PPM1H: variants seen among roughly 807,000 people sequenced by gnomAD.
PPM1H encodes the protein protein phosphatase, Mg2+/Mn2+ dependent 1H.
Under a neutral mutation model 54.9 loss-of-function variants are expected in PPM1H, and 27 were observed. The observed-to-expected ratio is 0.49, with a 90% CI of 0.36 to 0.68. The LOEUF (loss-of-function observed/expected upper bound fraction) is 0.68. Ranked by LOEUF, PPM1H falls within the 30% of genes least tolerant of loss-of-function variation. The pLI, the probability that PPM1H is intolerant of heterozygous loss-of-function variation, is 0.00. For synonymous variants in PPM1H, 305 were observed against 270.8 expected (o/e 1.13, Z -1.24); for missense variants, 596 against 667.8 (o/e 0.89, Z 1.19).
intron 4 of PPM1H, among the ~76,000 whole-genome samples, chr12:62,752,744 A>T (rs2076448866): frequency 6.6e-6 from 1 of 152,230 alleles, no homozygotes; most frequent in Admixed American, 6.5e-5. Context: ...GTCCAAGTAA[A>T]AAATGAGTCT....
intron 2 of PPM1H, among the ~76,000 whole-genome samples, chr12:62,825,692 T>C (rs1023756820): frequency 6.6e-6 from 1 of 151,980 alleles, no homozygotes; most frequent in East Asian, 1.9e-4. Context: ...ATAAGAACAC[T>C]TGGACACAGG....
intron 6 of PPM1H, among the ~76,000 whole-genome samples, chr12:62,719,511 T>G (rs572016314): frequency 3.0e-4 from 45 of 152,248 alleles, no homozygotes; most frequent in African/African-American, 1.0e-3. Flanking sequence ...TATCTATCAG[T>G]CAGATAAAAG....
intron 2 of PPM1H, among the ~76,000 whole-genome samples, chr12:62,812,938 G>A (rs2076843657): frequency 6.6e-6 from 1 of 150,984 alleles, no homozygotes; most frequent in Non-Finnish European, 1.5e-5. Flanking sequence ...CTGATCCCAG[G>A]GCCAACCAAA....
At chr12:62,803,576 C>T (rs4763029) in intron 2 of PPM1H, among the ~76,000 whole-genome samples, 9,869 of 151,946 alleles carry the variant, frequency 0.065, 340 homozygotes, top group African/African-American at 0.089. Flanking sequence ...AGATGTAAGA[C>T]GTGAAATCAT....
At chr12:62,716,741 G>C (rs2076236829) in intron 6 of PPM1H, among the ~76,000 whole-genome samples, 1 of 152,086 alleles carries the variant, frequency 6.6e-6, no homozygotes, top group Non-Finnish European at 1.5e-5. Flanking sequence ...TGTTGCCCAG[G>C]CTGGTCTTGA....
At chr12:62,666,944 C>G (rs889150743) in intron 9 of PPM1H, among the ~76,000 whole-genome samples, 2 of 152,200 alleles carry the variant, frequency 1.3e-5, no homozygotes, top group African/African-American at 4.8e-5. Context: ...GAACTCCTGA[C>G]CTCATGATTC....
chr12:62,753,483 T>G (rs905746389), intron 4 of PPM1H, among the ~76,000 whole-genome samples: 1 of 152,236 alleles, frequency 6.6e-6, no homozygotes, highest in African/African-American at 2.4e-5. Flanking sequence ...ATCTAACATC[T>G]TTCCACCTTT....
At chr12:62,763,634 A>T (rs902039195) in intron 4 of PPM1H, among the ~76,000 whole-genome samples, 1 of 152,220 alleles carries the variant, frequency 6.6e-6, no homozygotes, top group East Asian at 1.9e-4. Context: ...GAAATCACTA[A>T]TGTGACTCTA....
At chr12:62,699,537 G>A (rs1007565698) in intron 6 of PPM1H, among the ~76,000 whole-genome samples, 19 of 152,162 alleles carry the variant, frequency 1.2e-4, no homozygotes, top group East Asian at 3.9e-4. Context: ...TATAAAGCTC[G>A]GCAGAATCTT....
intron 1 of PPM1H, among the ~76,000 whole-genome samples, chr12:62,893,992 A>T (rs1870892301): frequency 6.6e-6 from 1 of 152,140 alleles, no homozygotes; most frequent in South Asian, 2.1e-4. Flanking sequence ...TCAGCCAGAC[A>T]TCAGCCATTA....
intron 6 of PPM1H, among the ~76,000 whole-genome samples, chr12:62,701,872 T>C (rs1323297784): frequency 1.3e-5 from 2 of 152,250 alleles, no homozygotes; most frequent in African/African-American, 2.4e-5. Flanking sequence ...AATGCTCTTA[T>C]TAATTTGTTT....
intron 5 of PPM1H, among the ~76,000 whole-genome samples, chr12:62,722,848 A>C (rs1465054959): frequency 6.6e-6 from 1 of 152,194 alleles, no homozygotes; most frequent in Non-Finnish European, 1.5e-5. Context: ...GTCATCAAAC[A>C]ATATGTGTGT....
chr12:62,922,300 C>T (rs1871824113), intron 1 of PPM1H, among the ~76,000 whole-genome samples: 1 of 150,368 alleles, frequency 6.7e-6, no homozygotes, highest in African/African-American at 2.4e-5. Flanking sequence ...GCATTTAATT[C>T]CCTTATGTGG....
At chr12:62,817,151 C>CAAAA (rs1565797674) in intron 2 of PPM1H, among the ~76,000 whole-genome samples, 3 of 58,922 alleles carry the variant, frequency 5.1e-5, no homozygotes, top group Non-Finnish European at 1.0e-4. Context: ...AAAAAAAAAA[C>CAAAA]TAAAAAAAAG....
At chr12:62,766,566 CAA>C (rs145714301) in intron 4 of PPM1H, among the ~76,000 whole-genome samples, 1 of 149,082 alleles carries the variant, frequency 6.7e-6, no homozygotes, top group Non-Finnish European at 1.5e-5. Flanking sequence ...GCCACAGAAA[CAA>C]AAAAAAAATT....
At chr12:62,735,202 AT>A (rs138309472) in intron 5 of PPM1H, among the ~76,000 whole-genome samples, 166 of 150,256 alleles carry the variant, frequency 1.1e-3, no homozygotes, top group East Asian at 5.9e-3. Flanking sequence ...ATTGTTTTTA[AT>A]TTTTTTTTTC....
intron 8 of PPM1H, among the ~76,000 whole-genome samples, chr12:62,672,086 T>G (rs927370583): frequency 6.6e-6 from 1 of 152,196 alleles, no homozygotes; most frequent in African/African-American, 2.4e-5. Context: ...GTTCACTGAA[T>G]GAATAATCGT....
At chr12:62,765,086 AG>A (rs2076533691) in intron 4 of PPM1H, among the ~76,000 whole-genome samples, 1 of 152,224 alleles carries the variant, frequency 6.6e-6, no homozygotes, top group African/African-American at 2.4e-5. Context: ...TCTTTTACAA[AG>A]GTTATCCCTG....
chr12:62,759,188 C>G (rs971900103), intron 4 of PPM1H, among the ~76,000 whole-genome samples: 1 of 152,206 alleles, frequency 6.6e-6, no homozygotes, highest in Admixed American at 6.5e-5. Flanking sequence ...TCTCTTCACA[C>G]GAACACGTGA....
Sources: allele counts gnomAD v4.1 joint callset (sites outside exome capture counted in the v4.1 genomes callset), GRCh38; gene constraint gnomAD v4.1.1; transcripts MANE v1.5; gene names NCBI Gene and HGNC (gene_info 2026-07-23, HGNC 2026-07-21).